Variants in SRRM2 observed in about 807,000 individuals in gnomAD.
The protein encoded by SRRM2 is serine/arginine repetitive matrix 2, also known as serine/arginine repetitive matrix protein 2.
Under a neutral mutation model 213.8 loss-of-function variants are expected in SRRM2, and 30 were observed. The observed-to-expected ratio is 0.14, with a 90% CI of 0.10 to 0.19. The LOEUF is 0.19. SRRM2 is among the 10% of genes least tolerant of loss of function. The pLI is 1.00. For synonymous variants in SRRM2, 2,025 were observed against 1,377.7 expected (o/e 1.47, Z -10.40); for missense variants, 4,904 against 3,647.0 (o/e 1.34, Z -8.88).
chr16:2,767,583 T>G lies in SRRM2; in HGVS notation c.7055T>G (p.Ile2352Ser), dbSNP rs1229320237. The G allele has an allele frequency of 6.2e-7, 1 of 1,614,100 alleles. No individual in the cohort carries two copies. The highest frequency in any genetic ancestry group is 8.5e-7 in the Non-Finnish European group (1 of 1,180,036). Residue 2352 changes from isoleucine to serine, a missense_variant, in exon 11 of 15, where the codon ATT (isoleucine) becomes AGT (serine). Physicochemically the swap from Ile to Ser is moderately radical, Grantham distance 142. Coordinates refer to ENST00000301740, the MANE Select transcript of SRRM2 (RefSeq NM_016333.4). ...RSAHATAPVN[I>S]AGSRTAAALA... Reference sequence around the variant, plus strand: ...GCACATGCCACAGCTCCTGTGAATATTGCCGGCTCCAGAACCGCCGCAGCC... The same window carrying G: ...GCACATGCCACAGCTCCTGTGAATAGTGCCGGCTCCAGAACCGCCGCAGCC...
In SRRM2 at chr16:2,767,602, C is replaced by T. The variant is rs761897136; in HGVS notation, c.7074C>T (p.Ala2358=). 1.3e-5 allele frequency: 21 copies of T among 1,614,074 alleles called. No homozygotes were observed. Among genetic ancestry groups the T allele is most frequent in the East Asian group, 1.1e-4 (5 of 44,902 alleles). Residue 2358 remains alanine, a synonymous_variant, in exon 11 of 15, where the codon GCC becomes GCT. Transcript: ENST00000301740. ...TGAATATTGCCGGCTCCAGAACCGCCGCAGCCTTGGCCCCCGCGAGCCTCA... is the reference window on the plus strand; with the variant it reads ...TGAATATTGCCGGCTCCAGAACCGCTGCAGCCTTGGCCCCCGCGAGCCTCA... ...APVNIAGSRT[A]AALAPASLTS... is the part of the protein sequence containing the mutation.
Position 2,757,502 on chromosome 16 carries a change from G to A in SRRM2, c.273G>A (p.Val91=). 1 of 1,614,074 alleles carries A rather than the reference G, an allele frequency of 6.2e-7. No homozygotes were observed. Among genetic ancestry groups the A allele is most frequent in the South Asian group, 1.1e-5 (1 of 91,082 alleles). The change falls in exon 3 of 15, where the codon GTG becomes GTA. Residue 91 remains valine (V), a synonymous_variant. Transcript: ENST00000301740. ...AGGAACAGCAAATTCAGGAAAAAGT[G>A]GCGACCTTTCGACTCATGTTGCTGG... ...GYEEQQIQEK[V]ATFRLMLLEK...
intron 10 of SRRM2, chr16:2,760,811 C>CT (rs1216561770): frequency 3.8e-6 from 1 of 260,664 alleles, no homozygotes; most frequent in Non-Finnish European, 7.5e-6. Context: ...AGTTTCTTCT[C>CT]TTTTTTCATT....
chr16:2,767,651 T>C lies in SRRM2; in HGVS notation c.7123T>C (p.Leu2375=). 6.2e-7 allele frequency: 1 copy of C among 1,614,150 alleles called. No homozygotes were observed. The highest frequency in any genetic ancestry group is 8.5e-7 in the Non-Finnish European group (1 of 1,180,014). Residue 2375 remains leucine (L), a synonymous_variant, in exon 11 of 15, where the codon TTG becomes CTG. Transcript: ENST00000301740. ...CACCAGTGCTAGGATGGCTCCAGCATTGTCTGGTGCAAACCTCACCAGCCC... is the reference window on the plus strand; with the variant it reads ...CACCAGTGCTAGGATGGCTCCAGCACTGTCTGGTGCAAACCTCACCAGCCC... The part of the protein sequence containing the change: ...SLTSARMAPA[L]SGANLTSPRV...
chr16:2,759,889 T>C (rs2068278823), intron 9 of SRRM2: 2 of 565,756 alleles, frequency 3.5e-6, no homozygotes, highest in East Asian at 5.9e-5. Context: ...TTCGTTCTGA[T>C]GTATATGGAC....
In SRRM2 at chr16:2,766,707, G is replaced by A. The variant is rs201485562; in HGVS notation, c.6179G>A (p.Arg2060Gln). The A allele has an allele frequency of 1.1e-4, 177 of 1,614,036 alleles. No individual in the cohort carries two copies. The highest frequency in any genetic ancestry group is 1.6e-4 in the Middle Eastern group (1 of 6,084). Residue 2060 changes from arginine to glutamine, a missense_variant, in exon 11 of 15, where the codon CGA (arginine) becomes CAA (glutamine). Physicochemically the swap from Arg to Gln is conservative, Grantham distance 43. Transcript: ENST00000301740. The surrounding 1 kb of genome is among the most constrained non-coding windows in gnomAD (Gnocchi z 7.0). ...IRRRSRSRTPRTARGKRSLTR... is the reference protein window; with the variant it reads ...IRRRSRSRTPQTARGKRSLTR... ...CGCCGCTCCAGATCCCGTACTCCAC[G>A]AACAGCTCGGGGTAAACGGTCCTTA...
At position 2,756,353 on chromosome 16, in the gene SRRM2, G is replaced by A. The variant is rs763695670; in HGVS notation, c.-12G>A. 5.0e-6 allele frequency: 8 copies of A among 1,589,458 alleles called. No homozygotes were observed. In the African/African-American group the frequency reaches 5.4e-5, roughly 11 times the overall value. On this transcript the variant is annotated 5_prime_UTR_variant, in exon 2 of 15. Transcript: ENST00000301740. Reference sequence around the variant, plus strand: ...CCTCAGGAGCGGTGGTGCCCCCCCCGGGCACGGGGCCATGTACAACGGGAT... The same window carrying A: ...CCTCAGGAGCGGTGGTGCCCCCCCCAGGCACGGGGCCATGTACAACGGGAT...
intron 12 of SRRM2, chr16:2,769,791 CTCT>C: frequency 2.1e-6 from 1 of 466,146 alleles, no homozygotes; most frequent in Non-Finnish European, 4.3e-6. Flanking sequence ...GCGTGTGAGG[CTCT>C]TCACCAACGG....
At chr16:2,760,879 T>G (rs1265939866) in intron 10 of SRRM2, 3 of 194,714 alleles carry the variant, frequency 1.5e-5, no homozygotes, top group Non-Finnish European at 3.2e-5. Context: ...ACCAATAGTT[T>G]GAATGAAACA....
Position 2,762,857 on chromosome 16 carries a change from C to T in SRRM2, c.2329C>T (p.Arg777Cys), listed in dbSNP as rs369212560. 32 of 1,614,064 alleles carry T rather than the reference C, an allele frequency of 2.0e-5. No homozygotes were observed. Among genetic ancestry groups the T allele is most frequent in the East Asian group, 1.6e-4 (7 of 44,900 alleles). ...AGCAAAATCTCGCTTGTCTTTGAGG[C>T]GCAGCCTTTCAGGGTCTTCCCCATG... is the stretch of plus-strand genomic sequence containing the variant. ...SKAKSRLSLRRSLSGSSPCPK... is the reference protein window; with the variant it reads ...SKAKSRLSLRCSLSGSSPCPK... Residue 777 changes from arginine to cysteine, a missense_variant, in exon 11 of 15, where the codon CGC (arginine) becomes TGC (cysteine). Physicochemically the swap from Arg to Cys is radical, Grantham distance 180. Transcript: ENST00000301740.
intron 12 of SRRM2, 37 bp downstream of exon 12, chr16:2,769,321 G>A (rs780052328): frequency 1.3e-6 from 2 of 1,529,012 alleles, no homozygotes; most frequent in Non-Finnish European, 1.8e-6. Context: ...AGGTGGGTGG[G>A]GGAGTGACTT....
Position 2,766,254 on chromosome 16 carries a change from G to T in SRRM2, c.5726G>T (p.Arg1909Leu), listed in dbSNP as rs369222915. 6.2e-7 allele frequency: 1 copy of T among 1,614,160 alleles called. No individual in the cohort carries two copies. The highest frequency in any genetic ancestry group is 2.2e-5 in the East Asian group (1 of 44,876). ...RSRSRTSVTRRRSRSRASPVS... is the reference protein window; with the variant it reads ...RSRSRTSVTRLRSRSRASPVS... ...AGGTCCAGGACTTCAGTGACTCGACGAAGATCCCGGTCAAGAGCATCCCCA... is the reference window on the plus strand; with the variant it reads ...AGGTCCAGGACTTCAGTGACTCGACTAAGATCCCGGTCAAGAGCATCCCCA... The change falls in exon 11 of 15, where the codon CGA becomes CTA. Residue 1909 changes from arginine to leucine, a missense_variant. Coordinates refer to ENST00000301740, the MANE Select transcript of SRRM2 (RefSeq NM_016333.4). The surrounding 1 kb of genome is among the most constrained non-coding windows in gnomAD (Gnocchi z 7.0).
chr16:2,766,775 A>G lies in SRRM2; in HGVS notation c.6247A>G (p.Ser2083Gly). Reference protein sequence around the residue: ...PAIRRRSASGSSSDRSRSATP... With the variant: ...PAIRRRSASGGSSDRSRSATP... Reference sequence around the variant, plus strand: ...CATCCGCAGGCGTTCTGCATCTGGAAGTAGTTCTGATCGTTCACGATCTGC... The same window carrying G: ...CATCCGCAGGCGTTCTGCATCTGGAGGTAGTTCTGATCGTTCACGATCTGC... Residue 2083 changes from serine (S) to glycine (G), a missense_variant, in exon 11 of 15, where the codon AGT (serine) becomes GGT (glycine). Physicochemically the swap from Ser to Gly is moderately conservative, Grantham distance 56. Coordinates refer to ENST00000301740, the MANE Select transcript of SRRM2 (RefSeq NM_016333.4). This position sits in a 1 kb window ranked among gnomAD's most constrained non-coding sequence, Gnocchi z 7.0. 1 of 1,614,192 alleles carries G rather than the reference A, an allele frequency of 6.2e-7. No individual in the cohort carries two copies. Among genetic ancestry groups the G allele is most frequent in the Non-Finnish European group, 8.5e-7 (1 of 1,180,030 alleles).
Position 2,765,114 on chromosome 16 carries a change from C to T in SRRM2, c.4586C>T (p.Ala1529Val), listed in dbSNP as rs779264389. The change falls in exon 11 of 15, where the codon GCT becomes GTT. Residue 1529 changes from alanine (A) to valine (V), a missense_variant. Physicochemically the swap from Ala to Val is moderately conservative, Grantham distance 64. Coordinates refer to ENST00000301740, the MANE Select transcript of SRRM2 (RefSeq NM_016333.4). The stretch of plus-strand genomic sequence containing the variant: ...TCATCAGTTGATCAGAAAACTGTGG[C>T]TCGGACTCCCCTGGGGCAGAGAAGT... Reference protein sequence around the residue: ...SESSVDQKTVARTPLGQRSRS... With the variant: ...SESSVDQKTVVRTPLGQRSRS... The T allele has an allele frequency of 6.2e-7, 1 of 1,614,166 alleles. No homozygotes were observed. Among genetic ancestry groups the T allele is most frequent in the South Asian group, 1.1e-5 (1 of 91,084 alleles).
At position 2,761,709 on chromosome 16, in the gene SRRM2, C is replaced by G. The variant is rs763985969; in HGVS notation, c.1181C>G (p.Pro394Arg). The G allele has an allele frequency of 1.2e-6, 2 of 1,605,992 alleles. No homozygotes were observed. Among genetic ancestry groups the G allele is most frequent in the African/African-American group, 2.7e-5 (2 of 74,652 alleles). Reference sequence around the variant, plus strand: ...TTAAGCCAGGAGCCAGTGAACCCCCCATCTGAGGCCTCTCCAACTCGGGAC... The same window carrying G: ...TTAAGCCAGGAGCCAGTGAACCCCCGATCTGAGGCCTCTCCAACTCGGGAC... ...TPLSQEPVNP[P>R]SEASPTRDRS... The change falls in exon 11 of 15, where the codon CCA (proline) becomes CGA (arginine). Residue 394 changes from proline to arginine, a missense_variant. Physicochemically the swap from Pro to Arg is moderately radical, Grantham distance 103. Transcript: ENST00000301740.
At chr16:2,759,212 G>A (rs1400252077) in intron 7 of SRRM2, 40 bp downstream of exon 7, 1 of 1,608,604 alleles carries the variant, frequency 6.2e-7, no homozygotes, top group Non-Finnish European at 8.5e-7. Context: ...AGTGGCATGT[G>A]GAGTGGTGAT....
chr16:2,763,616 C>T lies in SRRM2; in HGVS notation c.3088C>T (p.Pro1030Ser), dbSNP rs1312267845. Reference protein sequence around the residue: ...KSKDSLVQSCPGSLSLCAGVK... With the variant: ...KSKDSLVQSCSGSLSLCAGVK... ...TAAAGACTCACTAGTTCAAAGTTGCCCTGGATCCCTCTCTCTCTGTGCAGG... is the reference window on the plus strand; with the variant it reads ...TAAAGACTCACTAGTTCAAAGTTGCTCTGGATCCCTCTCTCTCTGTGCAGG... Residue 1030 changes from proline to serine, a missense_variant, in exon 11 of 15, where the codon CCT becomes TCT. Pro to Ser is a moderately conservative substitution (Grantham distance 74). Transcript: ENST00000301740. 39 of 1,614,040 alleles carry T rather than the reference C, an allele frequency of 2.4e-5. No individual in the cohort carries two copies. Among genetic ancestry groups the T allele is most frequent in the Middle Eastern group, 1.6e-4 (1 of 6,062 alleles).
chr16:2,764,752 TGCTGTACC>T lies in SRRM2; in HGVS notation c.4225_4232del (p.Ala1409GlnfsTer9), dbSNP rs748211033. On this transcript the variant is annotated frameshift_variant, in exon 11 of 15. Coordinates refer to ENST00000301740, the MANE Select transcript of SRRM2 (RefSeq NM_016333.4). LOFTEE classifies it high-confidence loss of function. ...AGAGCATCTCTTCACCTGTGCTTGA[TGCTGTACC>T]CAGAACACCCTCGAGAGAAAGAAGT... 2.5e-6 allele frequency: 4 copies of T among 1,614,226 alleles called. No homozygotes were observed. The South Asian group carries it at 3.3e-5, about 13-fold the overall frequency.
intron 5 of SRRM2, 42 bp downstream of exon 5, chr16:2,758,589 TC>T (rs776346178): frequency 6.4e-6 from 10 of 1,560,030 alleles, no homozygotes; most frequent in South Asian, 4.4e-5. Context: ...AGAGGACCAA[TC>T]CTGTGGTGTA....
Sources: allele counts gnomAD v4.1 joint callset, GRCh38; gene constraint gnomAD v4.1.1; non-coding constraint Gnocchi (gnomAD v3.1); transcripts MANE v1.5; gene names NCBI Gene and HGNC (gene_info 2026-07-23, HGNC 2026-07-21).